The following FGF19 variants were observed in gnomAD, a reference collection of about 807,000 sequenced individuals.
The protein encoded by FGF19 is FGF-19.
In FGF19, 5 loss-of-function variants were observed where a neutral mutation model predicts 8.9. That is an observed-to-expected ratio of 0.56 (90% CI 0.29 to 1.18). FGF19 has a LOEUF of 1.18. Ranked by LOEUF, FGF19 falls within the 50% of genes most tolerant of loss-of-function variation. The pLI is 0.08. For missense variants in FGF19, 237 were observed against 293.9 expected, an observed-to-expected ratio of 0.81 and a Z score of 1.42; for synonymous variants, 124 against 128.0, an observed-to-expected ratio of 0.97 and a Z score of 0.21.
rs760830295 is a variant in FGF19, at chr11:69,699,432, G to A, written c.481C>T (p.Pro161Ser). The change falls in exon 3 of 3, where the codon CCA becomes TCA. Residue 161 changes from proline to serine, a missense_variant. By Grantham distance (74) the Pro-to-Ser change is moderately conservative. Transcript: ENST00000294312. The stretch of plus-strand genomic sequence containing the variant: ...AGCATGGGCAGGAAATGAGAGAGTG[G>A]AAGAAAGCCTCTGTTCTTGTACAGC... ...RQLYKNRGFL[P>S]LSHFLPMLPM... The A allele has an allele frequency of 2.5e-6, 4 of 1,614,086 alleles. No individual in the cohort carries two copies. Among genetic ancestry groups the A allele is most frequent in the Non-Finnish European group, 3.4e-6 (4 of 1,180,050 alleles).
intron 2 of FGF19, among the ~76,000 whole-genome samples, chr11:69,701,257 C>T (rs72475636): frequency 0.13 from 20,317 of 152,222 alleles, 1,459 homozygotes; most frequent in South Asian, 0.23. Context: ...ATCACTTTCT[C>T]CATACAGAAA....
intron 2 of FGF19, among the ~76,000 whole-genome samples, chr11:69,700,566 A>G (rs1378861848): frequency 6.6e-6 from 1 of 152,252 alleles, no homozygotes; most frequent in Admixed American, 6.5e-5. Flanking sequence ...TCTTTTAAAT[A>G]AATTGCGTGT....
Position 69,702,245 on chromosome 11 carries a change from G to A in FGF19, c.336+1016C>T, listed in dbSNP as rs1854780801. Among the ~76,000 whole-genome samples, 1 of 152,206 alleles carries A rather than the reference G, an allele frequency of 6.6e-6. No homozygotes were observed. Among genetic ancestry groups the A allele is most frequent in the Non-Finnish European group, 1.5e-5 (1 of 68,042 alleles). On this transcript the variant is annotated intron_variant, in intron 2 of 2. Coordinates refer to ENST00000294312, the MANE Select transcript of FGF19 (RefSeq NM_005117.3). The surrounding 1 kb of genome is among the most constrained non-coding windows in gnomAD (Gnocchi z 4.6). ...ATAAAACCTGAAACAGGCGCTCCGA[G>A]TACACGGAGCACGGCAGAGGCACCG...
In FGF19 at chr11:69,698,624, A is replaced by G. The variant is rs893738414; in HGVS notation, c.*638T>C. The G allele has an allele frequency of 2.4e-4, 48 of 197,168 alleles. No individual in the cohort carries two copies. Among genetic ancestry groups the G allele is most frequent in the African/African-American group, 9.7e-4 (42 of 43,194 alleles). The allele number at this position is 197,168 out of a possible 1,614,324, so 12.2% of individuals were successfully genotyped here. On this transcript the variant is annotated 3_prime_UTR_variant, in exon 3 of 3. Transcript: ENST00000294312. ...AGTTATTCTCAGGACAGCATCCATG[A>G]CAGAACTGGCCTCAGGGGGAATTCT...
Position 69,698,908 on chromosome 11 carries a change from G to A in FGF19, c.*354C>T. On this transcript the variant is annotated 3_prime_UTR_variant, in exon 3 of 3. Transcript: ENST00000294312. Reference sequence around the variant, plus strand: ...CTGGGGAAGTGATGAGAAAAAATTAGAGAATTTCAGCTTGACATAAGAATT... The same window carrying A: ...CTGGGGAAGTGATGAGAAAAAATTAAAGAATTTCAGCTTGACATAAGAATT... The A allele has an allele frequency of 3.8e-6, 1 of 264,026 alleles. No individual in the cohort carries two copies. The highest frequency in any genetic ancestry group is 7.3e-6 in the Non-Finnish European group (1 of 137,354). 16.4% of individuals were successfully genotyped at this position (264,026 alleles called of 1,614,324 possible). A position where few individuals can be genotyped will look rare whatever the true frequency, so the allele number is the denominator to read the frequency against.
At position 69,703,431 on chromosome 11, in the gene FGF19, G is replaced by A; in HGVS notation, c.233-67C>T. The A allele has an allele frequency of 1.6e-6, 2 of 1,283,906 alleles. No individual in the cohort carries two copies. The highest frequency in any genetic ancestry group is 2.6e-5 in the South Asian group (2 of 77,218). The allele number at this position is 1,283,906 out of a possible 1,614,324, so 79.5% of individuals were successfully genotyped here. A position where few individuals can be genotyped will look rare whatever the true frequency, so the allele number is the denominator to read the frequency against. ...GGCCCGCACCACGTGGGTGCGGTCG[G>A]TCCACAAGCCTGTGCTTCTCCCTAG... On this transcript the variant is annotated intron_variant, in intron 1 of 2. Coordinates refer to ENST00000294312, the MANE Select transcript of FGF19 (RefSeq NM_005117.3). This position sits in a 1 kb window ranked among gnomAD's most constrained non-coding sequence, Gnocchi z 6.8.
In FGF19 at chr11:69,699,301, G is replaced by A. The variant is rs776547468; in HGVS notation, c.612C>T (p.Thr204=). 1.1e-5 allele frequency: 18 copies of A among 1,613,876 alleles called. No homozygotes were observed. Among genetic ancestry groups the A allele is most frequent in the African/African-American group, 4.0e-5 (3 of 74,902 alleles). The change falls in exon 3 of 3, where the codon ACC becomes ACT. Residue 204 remains threonine, a synonymous_variant. Transcript: ENST00000294312. ...TDSMDPFGLV[T]GLEAVRSPSF... is the part of the protein sequence containing the mutation. Reference sequence around the variant, plus strand: ...TGGGACTCCTCACGGCCTCCAGTCCGGTGACAAGCCCAAATGGGTCCATGC... The same window carrying A: ...TGGGACTCCTCACGGCCTCCAGTCCAGTGACAAGCCCAAATGGGTCCATGC...
At chr11:69,699,627 G>A (rs374252033) in intron 2 of FGF19, 51 bp from the exon 3 acceptor site, 12 of 1,416,650 alleles carry the variant, frequency 8.5e-6, no homozygotes, top group African/African-American at 5.7e-5. Context: ...CAGGGAACAC[G>A]GGTCCACATG....
intron 2 of FGF19, among the ~76,000 whole-genome samples, chr11:69,700,796 A>G (rs1854760624): frequency 6.8e-6 from 1 of 146,266 alleles, no homozygotes; most frequent in Non-Finnish European, 1.5e-5. Context: ...GCCGGCGCCC[A>G]GCTGGTGGCC....
Position 69,698,600 on chromosome 11 carries a change from G to A in FGF19, c.*662C>T, listed in dbSNP as rs1054444939. On this transcript the variant is annotated 3_prime_UTR_variant, in exon 3 of 3. Transcript: ENST00000294312. ...GAAGCAGGTGACACCGGGACAGCAA[G>A]TTATTCTCAGGACAGCATCCATGAC... 3 of 195,258 alleles carry A rather than the reference G, an allele frequency of 1.5e-5. No homozygotes were observed. The highest frequency in any genetic ancestry group is 6.9e-5 in the African/African-American group (3 of 43,176). The allele number at this position is 195,258 out of a possible 1,614,324, so 12.1% of individuals were successfully genotyped here. A position where few individuals can be genotyped will look rare whatever the true frequency, so the allele number is the denominator to read the frequency against.
Position 69,699,387 on chromosome 11 carries a change from G to C in FGF19, c.526C>G (p.Pro176Ala), listed in dbSNP as rs776116676. The C allele has an allele frequency of 8.1e-6, 13 of 1,614,212 alleles. No individual in the cohort carries two copies. In the East Asian group the frequency reaches 2.9e-4, roughly 36 times the overall value. Reference sequence around the variant, plus strand: ...TCCAAGTGGCCCCTGAGGTCCTCAGGCTCCTCTGGGACCATGGGCAGCATG... The same window carrying C: ...TCCAAGTGGCCCCTGAGGTCCTCAGCCTCCTCTGGGACCATGGGCAGCATG... ...LPMLPMVPEE[P>A]EDLRGHLESD... Residue 176 changes from proline to alanine, a missense_variant, in exon 3 of 3, where the codon CCT (proline) becomes GCT (alanine). Physicochemically the swap from Pro to Ala is conservative, Grantham distance 27. Transcript: ENST00000294312.
rs767243993 is a variant in FGF19, at chr11:69,698,726, C to A, written c.*536G>T. The A allele has an allele frequency of 1.4e-4, 28 of 200,230 alleles. No individual in the cohort carries two copies. The highest frequency in any genetic ancestry group is 2.7e-4 in the Non-Finnish European group (26 of 97,144). 12.4% of individuals were successfully genotyped at this position (200,230 alleles called of 1,614,324 possible). On this transcript the variant is annotated 3_prime_UTR_variant, in exon 3 of 3. Transcript: ENST00000294312. ...CCTGGTGGGCCATGCCTGCTCCAGTCAGTTCTGGCCTGGAGGGATTTGGGA... is the reference window on the plus strand; with the variant it reads ...CCTGGTGGGCCATGCCTGCTCCAGTAAGTTCTGGCCTGGAGGGATTTGGGA...
rs182233832 is a variant in FGF19, at chr11:69,702,952, A to C, written c.336+309T>G. Among the ~76,000 whole-genome samples the C allele has an allele frequency of 7.1e-4, 108 of 152,202 alleles. No individual in the cohort carries two copies. Among genetic ancestry groups the C allele is most frequent in the African/African-American group, 2.6e-3 (106 of 41,534 alleles). Reference sequence around the variant, plus strand: ...AGGCCCGAGGTGGGTTTTCCTGTTTAATATCAAAGGAGGCCGAATAATGGG... The same window carrying C: ...AGGCCCGAGGTGGGTTTTCCTGTTTCATATCAAAGGAGGCCGAATAATGGG... On this transcript the variant is annotated intron_variant, in intron 2 of 2. Transcript: ENST00000294312. This position sits in a 1 kb window ranked among gnomAD's most constrained non-coding sequence, Gnocchi z 4.6.
In FGF19 at chr11:69,699,565, C is replaced by T. The variant is rs1035912586; in HGVS notation, c.348G>A (p.Ser116=). 4.3e-6 allele frequency: 7 copies of T among 1,609,238 alleles called. No individual in the cohort carries two copies. Among genetic ancestry groups the T allele is most frequent in the African/African-American group, 2.7e-5 (2 of 74,748 alleles). Reference sequence around the variant, plus strand: ...CCTCCTCGAAAGCACAGTCTTCCTCCGAGTACTGAAGCTGCAGAGAAAACA... The same window carrying T: ...CCTCCTCGAAAGCACAGTCTTCCTCTGAGTACTGAAGCTGCAGAGAAAACA... The part of the protein sequence containing the change: ...DGKMQGLLQY[S]EEDCAFEEEI... The change falls in exon 3 of 3, where the codon TCG becomes TCA. Residue 116 remains serine, a synonymous_variant. Coordinates refer to ENST00000294312, the MANE Select transcript of FGF19 (RefSeq NM_005117.3).
Position 69,703,580 on chromosome 11 carries a change from TG to T in FGF19, c.232+64del, listed in dbSNP as rs1243031981. On this transcript the variant is annotated intron_variant, in intron 1 of 2. Coordinates refer to ENST00000294312, the MANE Select transcript of FGF19 (RefSeq NM_005117.3). This position sits in a 1 kb window ranked among gnomAD's most constrained non-coding sequence, Gnocchi z 6.8. ...GGCAAAGGAAGGAAGGGCGCTGGGG[TG>T]GGGCGCGCGCAGCGGGGTGGGGTGC... 4.3e-6 allele frequency: 2 copies of T among 468,712 alleles called. No homozygotes were observed. Among genetic ancestry groups the T allele is most frequent in the Non-Finnish European group, 4.8e-6 (2 of 417,568 alleles). The allele number at this position is 468,712 out of a possible 1,614,324, so 29.0% of individuals were successfully genotyped here. A position where few individuals can be genotyped will look rare whatever the true frequency, so the allele number is the denominator to read the frequency against.
chr11:69,700,244 A>T (rs1590931705), intron 2 of FGF19, among the ~76,000 whole-genome samples: 1 of 152,154 alleles, frequency 6.6e-6, no homozygotes, highest in East Asian at 1.9e-4. Flanking sequence ...TACCTTTATA[A>T]ATTATAATCT....
In FGF19 at chr11:69,703,961, G is replaced by C; in HGVS notation, c.-85C>G. The C allele has an allele frequency of 1.2e-6, 1 of 819,080 alleles. No individual in the cohort carries two copies. Among genetic ancestry groups the C allele is most frequent in the Non-Finnish European group, 1.6e-6 (1 of 607,488 alleles). The allele number at this position is 819,080 out of a possible 1,614,324, so 50.7% of individuals were successfully genotyped here. ...CGACCGGGATGCGCTGCGGGGCTGT[G>C]AGTGCCGGGTTGGGATGGTCGTGGC... On this transcript the variant is annotated 5_prime_UTR_variant, in exon 1 of 3. Coordinates refer to ENST00000294312, the MANE Select transcript of FGF19 (RefSeq NM_005117.3). The surrounding 1 kb of genome is among the most constrained non-coding windows in gnomAD (Gnocchi z 6.8).
chr11:69,699,545 T>A lies in FGF19; in HGVS notation c.368A>T (p.Glu123Val). 1 of 1,613,620 alleles carries A rather than the reference T, an allele frequency of 6.2e-7. No individual in the cohort carries two copies. Among genetic ancestry groups the A allele is most frequent in the African/African-American group, 1.3e-5 (1 of 75,020 alleles). ...LQYSEEDCAF[E>V]EEIRPDGYNV... Reference sequence around the variant, plus strand: ...GTAGCCATCTGGGCGGATCTCCTCCTCGAAAGCACAGTCTTCCTCCGAGTA... The same window carrying A: ...GTAGCCATCTGGGCGGATCTCCTCCACGAAAGCACAGTCTTCCTCCGAGTA... The change falls in exon 3 of 3, where the codon GAG becomes GTG. Residue 123 changes from glutamate to valine, a missense_variant. By Grantham distance (121) the Glu-to-Val change is moderately radical (BLOSUM62 -2). Transcript: ENST00000294312.
intron 2 of FGF19, among the ~76,000 whole-genome samples, chr11:69,701,661 G>A (rs1289055902): frequency 1.3e-5 from 2 of 151,040 alleles, no homozygotes; most frequent in East Asian, 3.9e-4. Context: ...CATGCACAGG[G>A]GATCAAGAGG....
Sources: gnomAD v4.1 joint callset for allele counts (sites outside exome capture counted in the v4.1 genomes callset) on GRCh38, gnomAD v4.1.1 for gene constraint, Gnocchi (gnomAD v3.1) non-coding constraint, MANE v1.5 for transcripts, NCBI Gene and HGNC (gene_info 2026-07-23, HGNC 2026-07-21) for gene names.